Variants in PITPNC1 observed in about 807,000 individuals in gnomAD.
PITPNC1 encodes phosphatidylinositol transfer protein cytoplasmic 1, also known as cytoplasmic phosphatidylinositol transfer protein 1.
A neutral mutation model predicts 44.7 loss-of-function variants in PITPNC1; 18 were observed. The observed-to-expected ratio is 0.40, with a 90% CI of 0.28 to 0.60. PITPNC1 has a LOEUF of 0.60. Ranked by LOEUF, PITPNC1 falls within the 20% of genes least tolerant of loss-of-function variation. PITPNC1 has a pLI of 0.39. For missense variants in PITPNC1, 290 were observed against 418.4 expected (o/e 0.69, Z 2.68); for synonymous variants, 141 against 149.6 (o/e 0.94, Z 0.42).
intron 1 of PITPNC1, among the ~76,000 whole-genome samples, chr17:67,513,402 T>TATCTATATCTAC (rs2040215765): frequency 1.1e-5 from 1 of 94,580 alleles, no homozygotes; most frequent in East Asian, 3.1e-4. Context: ...TCTATATCTA[T>TATCTATATCTAC]ATCTACATCT....
At chr17:67,595,755 C>T (rs904432064) in intron 5 of PITPNC1, among the ~76,000 whole-genome samples, 6 of 152,224 alleles carry the variant, frequency 3.9e-5, no homozygotes, top group African/African-American at 1.4e-4. Flanking sequence ...CTATTGAAGG[C>T]CTGTTTATAT....
chr17:67,461,989 C>T (rs908814485), intron 1 of PITPNC1, among the ~76,000 whole-genome samples: 1 of 152,118 alleles, frequency 6.6e-6, no homozygotes, highest in African/African-American at 2.4e-5. Context: ...ACTTCCTGCT[C>T]ATCCCTGTTT....
intron 4 of PITPNC1, among the ~76,000 whole-genome samples, chr17:67,559,232 A>G (rs561302026): frequency 7.1e-4 from 108 of 152,268 alleles, no homozygotes; most frequent in African/African-American, 2.6e-3. Context: ...TTTCATAACT[A>G]GGAACACAGG....
At chr17:67,425,738 A>G (rs2047800653) in intron 1 of PITPNC1, among the ~76,000 whole-genome samples, 1 of 152,068 alleles carries the variant, frequency 6.6e-6, no homozygotes, top group South Asian at 2.1e-4. Context: ...TGTGTTGCCC[A>G]GGCTGGTCTC....
intron 1 of PITPNC1, among the ~76,000 whole-genome samples, chr17:67,428,911 G>C (rs1043447727): frequency 2.2e-5 from 3 of 139,510 alleles, no homozygotes; most frequent in African/African-American, 8.0e-5. Context: ...TGTGATCTCG[G>C]CTCACTGCAA....
At chr17:67,465,400 A>G (rs2039411056) in intron 1 of PITPNC1, among the ~76,000 whole-genome samples, 3 of 152,202 alleles carry the variant, frequency 2.0e-5, no homozygotes, top group Non-Finnish European at 4.4e-5. Context: ...TGATGGTAGC[A>G]CCGATGTGGA....
At chr17:67,421,746 C>T (rs917528069) in intron 1 of PITPNC1, among the ~76,000 whole-genome samples, 1 of 152,134 alleles carries the variant, frequency 6.6e-6, no homozygotes, top group African/African-American at 2.4e-5. Flanking sequence ...AGAAAAGCAA[C>T]CTTAATTTTC....
rs763863713 is a variant in PITPNC1 at position 67,578,281 on chromosome 17, T to C, written c.366+24T>C. ...CCGTGAGTAGCCCCTCCTTCCATGCTGCGCTCGCCTCGTGGGCTCTGAATA... is the reference window on the plus strand; with the variant it reads ...CCGTGAGTAGCCCCTCCTTCCATGCCGCGCTCGCCTCGTGGGCTCTGAATA... On this transcript the variant is annotated intron_variant, in intron 5 of 8. Coordinates refer to ENST00000581322, the MANE Select transcript of PITPNC1 (RefSeq NM_012417.4). The C allele has an allele frequency of 2.6e-6, 4 of 1,525,236 alleles. No individual in the cohort carries two copies. In the Admixed American group the frequency reaches 6.7e-5, roughly 25 times the overall value. The allele number at this position is 1,525,236 out of a possible 1,614,324, so 94.5% of individuals were successfully genotyped here. A position where few individuals can be genotyped will look rare whatever the true frequency, so the allele number is the denominator to read the frequency against.
intron 1 of PITPNC1, among the ~76,000 whole-genome samples, chr17:67,452,300 C>A (rs1352799487): frequency 6.6e-6 from 1 of 151,944 alleles, no homozygotes; most frequent in African/African-American, 2.4e-5. Flanking sequence ...CGGGAGCCAT[C>A]ATGCCTGGCC....
intron 1 of PITPNC1, among the ~76,000 whole-genome samples, chr17:67,495,037 GTTGTTTTT>G (rs1173883277): frequency 2.0e-4 from 16 of 79,402 alleles, no homozygotes; most frequent in South Asian, 9.9e-4. Flanking sequence ...GAGCCATGGA[GTTGTTTTT>G]TTTTTTGTTT....
chr17:67,655,007 A>C (rs1177582588), intron 6 of PITPNC1, among the ~76,000 whole-genome samples: 1 of 152,228 alleles, frequency 6.6e-6, no homozygotes, highest in Non-Finnish European at 1.5e-5. Context: ...AATTTCAGAC[A>C]GAATGTCCTG....
intron 1 of PITPNC1, among the ~76,000 whole-genome samples, chr17:67,426,852 A>G: frequency 6.6e-6 from 1 of 152,238 alleles, no homozygotes; most frequent in East Asian, 1.9e-4. Context: ...TGTTTCCTGT[A>G]AAATGGATTC....
At chr17:67,503,918 C>T (rs1253830180) in intron 1 of PITPNC1, among the ~76,000 whole-genome samples, 1 of 152,212 alleles carries the variant, frequency 6.6e-6, no homozygotes, top group African/African-American at 2.4e-5. Flanking sequence ...TTTGGCATTT[C>T]TGTCTTCCTC....
chr17:67,665,120 TCTCA>T (rs143711348), intron 6 of PITPNC1, among the ~76,000 whole-genome samples: 6,912 of 151,802 alleles, frequency 0.046, 507 homozygotes, highest in African/African-American at 0.16. Flanking sequence ...TGAGACAGGG[TCTCA>T]CTCTGTCACT....
At chr17:67,462,060 C>T (rs1287323296) in intron 1 of PITPNC1, among the ~76,000 whole-genome samples, 4 of 151,960 alleles carry the variant, frequency 2.6e-5, no homozygotes, top group Non-Finnish European at 5.9e-5. Context: ...CACAACATGC[C>T]TCTTGAATCT....
chr17:67,384,073 A>G (rs960587272), intron 1 of PITPNC1, among the ~76,000 whole-genome samples: 1 of 151,868 alleles, frequency 6.6e-6, no homozygotes, highest in Non-Finnish European at 1.5e-5. Context: ...CAAACCAAAA[A>G]CCAGTTCTTG....
Position 67,465,309 on chromosome 17 carries a change from A to G in PITPNC1, c.49-67493A>G, listed in dbSNP as rs1451874531. 4.6e-5 allele frequency among the ~76,000 whole-genome samples: 7 copies of G among 152,288 alleles called. No homozygotes were observed. The East Asian group carries it at 1.4e-3, about 29-fold the overall frequency. On this transcript the variant is annotated intron_variant, in intron 1 of 8. Coordinates refer to ENST00000581322, the MANE Select transcript of PITPNC1 (RefSeq NM_012417.4). ...AAGGGGACGAAGGGAATGTAATAGAATGTGTGTTGGGAGAGGGTTTCCTTA... is the reference window on the plus strand; with the variant it reads ...AAGGGGACGAAGGGAATGTAATAGAGTGTGTGTTGGGAGAGGGTTTCCTTA...
At position 67,587,306 on chromosome 17, in the gene PITPNC1, T is replaced by G. The variant is rs372375099; in HGVS notation, c.366+9049T>G. Among the ~76,000 whole-genome samples the G allele has an allele frequency of 9.5e-4, 143 of 151,100 alleles. 4 individuals are homozygous for G. In the South Asian group the frequency reaches 0.029, roughly 30 times the overall value. The stretch of plus-strand genomic sequence containing the variant: ...GTTCAAGGCCAGCCTGGGCAACATG[T>G]TGAGACCCCCATCTCTACAAAAAAA... On this transcript the variant is annotated intron_variant, in intron 5 of 8. Coordinates refer to ENST00000581322, the MANE Select transcript of PITPNC1 (RefSeq NM_012417.4).
intron 2 of PITPNC1, among the ~76,000 whole-genome samples, chr17:67,533,588 G>A (rs2040491927): frequency 6.6e-6 from 1 of 152,246 alleles, no homozygotes; most frequent in African/African-American, 2.4e-5. Flanking sequence ...CCTATATGCT[G>A]TGGACAAGTA....
Sources: gnomAD v4.1 joint callset for allele counts (sites outside exome capture counted in the v4.1 genomes callset) on GRCh38, gnomAD v4.1.1 for gene constraint, MANE v1.5 for transcripts, NCBI Gene and HGNC (gene_info 2026-07-23, HGNC 2026-07-21) for gene names.